The following SNTB1 variants were observed in gnomAD, a reference collection of about 807,000 sequenced individuals.
The protein encoded by SNTB1 is beta-1-syntrophin.
In SNTB1, 36 loss-of-function variants were observed where a neutral mutation model predicts 48.9. The ratio of observed to expected loss-of-function variants is 0.74; its 90% CI spans 0.56 to 0.97. SNTB1 has a LOEUF of 0.97. Ranked by LOEUF, SNTB1 falls within the 50% of genes least tolerant of loss-of-function variation. The pLI is 0.00. For missense variants in SNTB1, 786 were observed against 703.4 expected, an observed-to-expected ratio of 1.12 and a Z score of -1.33; for synonymous variants, 299 against 294.6, an observed-to-expected ratio of 1.01 and a Z score of -0.15.
At chr8:120,657,843 A>T (rs915880342) in intron 2 of SNTB1, among the ~76,000 whole-genome samples, 1 of 152,248 alleles carries the variant, frequency 6.6e-6, no homozygotes, top group Non-Finnish European at 1.5e-5. Flanking sequence ...TTGTTTCAAT[A>T]ATCACTGAGA....
chr8:120,597,084 C>T (rs1319686610), intron 3 of SNTB1, among the ~76,000 whole-genome samples: 1 of 152,122 alleles, frequency 6.6e-6, no homozygotes, highest in African/African-American at 2.4e-5. Flanking sequence ...CAATCACAAG[C>T]CCTAAATGCA....
intron 2 of SNTB1, among the ~76,000 whole-genome samples, chr8:120,655,205 T>G (rs895279207): frequency 3.3e-5 from 5 of 152,200 alleles, no homozygotes; most frequent in African/African-American, 9.7e-5. Flanking sequence ...TGTAAACCTT[T>G]TGCGATAATG....
At chr8:120,716,735 T>A (rs1339498335) in intron 1 of SNTB1, among the ~76,000 whole-genome samples, 1 of 152,166 alleles carries the variant, frequency 6.6e-6, no homozygotes, top group Non-Finnish European at 1.5e-5. Context: ...TGGTATTCAG[T>A]TTAGATGTCC....
intron 4 of SNTB1, among the ~76,000 whole-genome samples, chr8:120,569,572 C>G (rs10955974): frequency 1.3e-5 from 2 of 152,098 alleles, no homozygotes; most frequent in African/African-American, 4.8e-5. Context: ...GCCTGCGAGA[C>G]GACATCCCTC....
chr8:120,703,146 A>G (rs1384253593), intron 1 of SNTB1, among the ~76,000 whole-genome samples: 1 of 152,210 alleles, frequency 6.6e-6, no homozygotes, highest in Non-Finnish European at 1.5e-5. Flanking sequence ...TTTTTGAGAG[A>G]TGGAGTCTGG....
intron 1 of SNTB1, among the ~76,000 whole-genome samples, chr8:120,704,291 A>G (rs1818348203): frequency 6.6e-6 from 1 of 152,096 alleles, no homozygotes; most frequent in South Asian, 2.1e-4. Context: ...TTTCTACAAA[A>G]ATAAAAATTA....
chr8:120,625,959 G>A (rs1481210108), intron 3 of SNTB1, among the ~76,000 whole-genome samples: 2 of 152,062 alleles, frequency 1.3e-5, no homozygotes, highest in East Asian at 1.9e-4. Flanking sequence ...GATATATTTA[G>A]AGGCTCCAAA....
At chr8:120,684,399 T>C (rs1395947375) in intron 2 of SNTB1, among the ~76,000 whole-genome samples, 1 of 152,150 alleles carries the variant, frequency 6.6e-6, no homozygotes, top group Non-Finnish European at 1.5e-5. Context: ...TCTTAACTCA[T>C]TCCAGCATCA....
chr8:120,699,981 C>T (rs1050005228), intron 1 of SNTB1, among the ~76,000 whole-genome samples: 3 of 152,234 alleles, frequency 2.0e-5, no homozygotes, highest in African/African-American at 7.2e-5. Flanking sequence ...TTTTTGTGTA[C>T]TAACTCATTT....
intron 3 of SNTB1, among the ~76,000 whole-genome samples, chr8:120,578,284 C>A (rs1815983437): frequency 6.6e-6 from 1 of 151,866 alleles, no homozygotes. Flanking sequence ...TCATGATCTG[C>A]CTGCCTCGGG....
rs547135854 is a variant in SNTB1, at chr8:120,696,607, C to T, written c.572-2699G>A. Among the ~76,000 whole-genome samples the T allele has an allele frequency of 1.2e-4, 19 of 152,174 alleles. No individual in the cohort carries two copies. In the East Asian group the frequency reaches 1.7e-3, roughly 14 times the overall value. On this transcript the variant is annotated intron_variant, in intron 1 of 6. Coordinates refer to ENST00000517992, the MANE Select transcript of SNTB1 (RefSeq NM_021021.4). ...TATTTACCGAGCATCCATGTGTCCA[C>T]GAGTTATACAAGAAAAATATTGCTA...
intron 2 of SNTB1, among the ~76,000 whole-genome samples, chr8:120,657,693 A>T (rs955498966): frequency 6.6e-5 from 10 of 152,208 alleles, no homozygotes; most frequent in Non-Finnish European, 1.2e-4. Context: ...TTCATGTAAA[A>T]TAATAAGATT....
chr8:120,541,876 G>A lies in SNTB1; in HGVS notation c.1458C>T (p.Leu486=). 6.2e-7 allele frequency: 1 copy of A among 1,613,934 alleles called. No individual in the cohort carries two copies. Among genetic ancestry groups the A allele is most frequent in the Non-Finnish European group, 8.5e-7 (1 of 1,179,912 alleles). Residue 486 remains leucine, a synonymous_variant, in exon 6 of 7, where the codon CTC becomes CTT. Transcript: ENST00000517992. ...TGATTCCATCATCTGAAGACATTTT[G>A]AGCTTTTCATAAGGAGACTGTATGA... is the stretch of plus-strand genomic sequence containing the variant. ...KTIIQSPYEK[L]KMSSDDGIRM... is the part of the protein sequence containing the mutation.
intron 2 of SNTB1, among the ~76,000 whole-genome samples, chr8:120,672,032 T>C (rs1156738584): frequency 6.6e-6 from 1 of 152,224 alleles, no homozygotes; most frequent in Non-Finnish European, 1.5e-5. Context: ...ACAACCTCCC[T>C]GCTTTTTCAC....
At chr8:120,752,156 G>T (rs1057224899) in intron 1 of SNTB1, among the ~76,000 whole-genome samples, 1 of 152,028 alleles carries the variant, frequency 6.6e-6, no homozygotes. Context: ...AGGTGTATGT[G>T]GTTCATTAGG....
chr8:120,742,505 T>C (rs1819056801), intron 1 of SNTB1, among the ~76,000 whole-genome samples: 2 of 152,192 alleles, frequency 1.3e-5, no homozygotes, highest in African/African-American at 4.8e-5. Flanking sequence ...AGTCACAGGA[T>C]GGCACCTGAG....
chr8:120,769,391 A>T (rs534359646), intron 1 of SNTB1: 88 of 152,152 alleles, frequency 5.8e-4, no homozygotes, highest in African/African-American at 2.1e-3. Context: ...AAGTGAGTCA[A>T]TTTCTCCTCT....
chr8:120,684,136 G>T (rs1027995291), intron 2 of SNTB1, among the ~76,000 whole-genome samples: 1 of 152,132 alleles, frequency 6.6e-6, no homozygotes, highest in East Asian at 1.9e-4. Context: ...TTATGTAGCA[G>T]GAGGGGCACA....
intron 2 of SNTB1, among the ~76,000 whole-genome samples, chr8:120,633,355 C>T (rs1451824709): frequency 1.3e-5 from 2 of 152,160 alleles, no homozygotes; most frequent in African/African-American, 4.8e-5. Context: ...ACTGTAATCC[C>T]AGCACTTTGG....
Sources: gnomAD v4.1 joint callset for allele counts (sites outside exome capture counted in the v4.1 genomes callset) on GRCh38, gnomAD v4.1.1 for gene constraint, MANE v1.5 for transcripts, NCBI Gene and HGNC (gene_info 2026-07-23, HGNC 2026-07-21) for gene names.